Variants in WIPF1 observed in about 807,000 individuals in gnomAD.
The protein encoded by WIPF1 is WAS/WASL-interacting protein family member 1.
In WIPF1, 13 loss-of-function variants were observed where a neutral mutation model predicts 35.4. That is an observed-to-expected ratio of 0.37 (90% CI 0.24 to 0.58). The LOEUF (loss-of-function observed/expected upper bound fraction) is 0.58, where lower values mean the gene tolerates loss of function less well. Among genes scored for constraint, WIPF1 ranks in the 20% least tolerant of loss-of-function variants. The pLI is 0.74. For synonymous variants in WIPF1, 267 were observed against 266.3 expected (o/e 1.00, Z -0.02); for missense variants, 591 against 667.0 (o/e 0.89, Z 1.25).
At chr2:174,665,131 G>C (rs1236375893) in intron 1 of WIPF1, 1 of 152,156 alleles carries the variant, frequency 6.6e-6, no homozygotes, top group African/African-American at 2.4e-5. Context: ...GGCAGACCGA[G>C]GGTATAACGC....
rs1051018084 is a variant in WIPF1, at chr2:174,567,886, A to G, written c.1317T>C (p.Asn439=). Residue 439 remains asparagine (N), a synonymous_variant, in exon 6 of 8, where the codon AAT becomes AAC. Coordinates refer to ENST00000679041, the MANE Select transcript of WIPF1 (RefSeq NM_001375834.1). ...PPPPPSTSIR[N]GFQDSPCEDE... is the part of the protein sequence containing the mutation. ...CTTCACATGGAGAGTCTTGGAAGCC[A>G]TTTCTAATAGATGTTGATGGTGGAG... The G allele has an allele frequency of 1.9e-6, 3 of 1,605,288 alleles. No individual in the cohort carries two copies. Among genetic ancestry groups the G allele is most frequent in the Non-Finnish European group, 2.6e-6 (3 of 1,174,908 alleles).
intron 1 of WIPF1, among the ~76,000 whole-genome samples, chr2:174,671,626 A>G (rs1295670077): frequency 1.3e-5 from 2 of 152,130 alleles, no homozygotes; most frequent in East Asian, 3.8e-4. Flanking sequence ...CAGCCCTGAG[A>G]AAGAGAATGC....
intron 1 of WIPF1, among the ~76,000 whole-genome samples, chr2:174,628,564 C>T (rs1168849210): frequency 6.6e-6 from 1 of 152,196 alleles, no homozygotes; most frequent in Non-Finnish European, 1.5e-5. Context: ...CCAGGAATTA[C>T]GTAGAGCTCA....
intron 1 of WIPF1, among the ~76,000 whole-genome samples, chr2:174,596,019 A>C (rs747938601): frequency 6.6e-6 from 1 of 152,162 alleles, no homozygotes; most frequent in South Asian, 2.1e-4. Context: ...ATTCAGTATC[A>C]CTTCATCTCA....
chr2:174,624,673 G>A (rs1686775405), intron 1 of WIPF1, among the ~76,000 whole-genome samples: 1 of 152,150 alleles, frequency 6.6e-6, no homozygotes. Context: ...AGGGTCCAGG[G>A]GCACCCTGTG....
intron 1 of WIPF1, among the ~76,000 whole-genome samples, chr2:174,645,879 T>C (rs1384072231): frequency 6.6e-6 from 1 of 152,214 alleles, no homozygotes; most frequent in Non-Finnish European, 1.5e-5. Context: ...ACCAAAACAT[T>C]GAAAGAAAAT....
chr2:174,680,021 G>A (rs1196829583), intron 1 of WIPF1, among the ~76,000 whole-genome samples: 1 of 152,148 alleles, frequency 6.6e-6, no homozygotes, highest in African/African-American at 2.4e-5. Flanking sequence ...TTGTTAAGTG[G>A]ACAAACGAAT....
intron 1 of WIPF1, among the ~76,000 whole-genome samples, chr2:174,617,738 C>T (rs1231325326): frequency 6.6e-6 from 1 of 152,210 alleles, no homozygotes; most frequent in Non-Finnish European, 1.5e-5. Context: ...AAAGGTCTCA[C>T]CCAGCCATAG....
At chr2:174,611,312 G>A (rs1686336998) in intron 1 of WIPF1, among the ~76,000 whole-genome samples, 1 of 152,052 alleles carries the variant, frequency 6.6e-6, no homozygotes, top group Non-Finnish European at 1.5e-5. Flanking sequence ...AAATGGAAAG[G>A]GCTCCAAAGT....
chr2:174,652,308 GA>G (rs1177275007), intron 1 of WIPF1, among the ~76,000 whole-genome samples: 1 of 152,078 alleles, frequency 6.6e-6, no homozygotes, highest in Non-Finnish European at 1.5e-5. Flanking sequence ...CTAACATTTT[GA>G]ACTTGAAATT....
At chr2:174,668,123 C>T (rs1478284475) in intron 1 of WIPF1, among the ~76,000 whole-genome samples, 1 of 152,174 alleles carries the variant, frequency 6.6e-6, no homozygotes, top group African/African-American at 2.4e-5. Flanking sequence ...AACCTTGGTC[C>T]TGCCCAGTAA....
intron 1 of WIPF1, among the ~76,000 whole-genome samples, chr2:174,591,971 T>G (rs1685630942): frequency 6.6e-6 from 1 of 152,170 alleles, no homozygotes; most frequent in Non-Finnish European, 1.5e-5. Context: ...TTCTCCTCAA[T>G]GGCATGGCCA....
In WIPF1 at chr2:174,595,088, C is replaced by CAA. The variant is rs57521272; in HGVS notation, c.-39+2511_-39+2512dup. ...AAACATAGTGGGACCCTCATCTCTA[C>CAA]AAAAAAAAAAAAAAAAAAAAAATAT... On this transcript the variant is annotated intron_variant, in intron 1 of 7. Transcript: ENST00000679041. Among the ~76,000 whole-genome samples, 15 of 5,066 alleles carry CAA rather than the reference C, an allele frequency of 3.0e-3. 2 individuals are homozygous for CAA. The highest frequency in any genetic ancestry group is 3.6e-3 in the African/African-American group (7 of 1,928). The allele number at this position is 5,066 out of a possible 152,430, so 3.3% of individuals were successfully genotyped here.
Position 174,632,321 on chromosome 2 carries a change from G to C in WIPF1, c.-38-46710C>G, listed in dbSNP as rs568979992. Among the ~76,000 whole-genome samples, 10 of 152,284 alleles carry C rather than the reference G, an allele frequency of 6.6e-5. No individual in the cohort carries two copies. In the South Asian group the frequency reaches 2.1e-3, roughly 32 times the overall value. On this transcript the variant is annotated intron_variant, in intron 1 of 8. Coordinates refer to the WIPF1 transcript ENST00000272746. ...CAAACACAATGGAACACAGCGCAGTGAAAGTGGAAAGATGGGGAAGGGGCT... is the reference window on the plus strand; with the variant it reads ...CAAACACAATGGAACACAGCGCAGTCAAAGTGGAAAGATGGGGAAGGGGCT...
At chr2:174,672,326 A>G (rs953091914) in intron 1 of WIPF1, among the ~76,000 whole-genome samples, 3 of 152,242 alleles carry the variant, frequency 2.0e-5, no homozygotes, top group East Asian at 3.8e-4. Flanking sequence ...AAATCTGCCC[A>G]GTGTACCTGG....
At chr2:174,644,281 A>G (rs558850897) in intron 1 of WIPF1, among the ~76,000 whole-genome samples, 1 of 152,142 alleles carries the variant, frequency 6.6e-6, no homozygotes, top group Non-Finnish European at 1.5e-5. Context: ...ACATAGTAGG[A>G]CTCTATTAAT....
intron 1 of WIPF1, among the ~76,000 whole-genome samples, chr2:174,619,778 C>T (rs1686619583): frequency 6.6e-6 from 1 of 151,928 alleles, no homozygotes; most frequent in African/African-American, 2.4e-5. Context: ...CCTGTCTCTA[C>T]AATAAATTAA....
At chr2:174,653,633 T>C (rs1036842197) in intron 1 of WIPF1, among the ~76,000 whole-genome samples, 4 of 151,202 alleles carry the variant, frequency 2.6e-5, no homozygotes, top group African/African-American at 9.8e-5. Flanking sequence ...TCCCAGCTAT[T>C]TGGGAGGCTG....
Position 174,571,858 on chromosome 2 carries a change from G to A in WIPF1, c.947C>T (p.Pro316Leu). The change falls in exon 5 of 8, where the codon CCC becomes CTC. Residue 316 changes from proline to leucine, a missense_variant. Transcript: ENST00000679041. The surrounding 1 kb of genome is among the most constrained non-coding windows in gnomAD (Gnocchi z 4.6). ...APPPPPPPSRPGPPPLPPSSS... is the reference protein window; with the variant it reads ...APPPPPPPSRLGPPPLPPSSS... ...ACTTGGAGGCAGAGGAGGCGGCCCGGGCCTGCTGGGAGGTGGCGGCGGAGG... is the reference window on the plus strand; with the variant it reads ...ACTTGGAGGCAGAGGAGGCGGCCCGAGCCTGCTGGGAGGTGGCGGCGGAGG... The A allele has an allele frequency of 6.2e-7, 1 of 1,614,038 alleles. No homozygotes were observed. Among genetic ancestry groups the A allele is most frequent in the African/African-American group, 1.3e-5 (1 of 75,072 alleles).
Sources: allele counts gnomAD v4.1 joint callset (sites outside exome capture counted in the v4.1 genomes callset), GRCh38; gene constraint gnomAD v4.1.1; non-coding constraint Gnocchi (gnomAD v3.1); transcripts MANE v1.5; gene names NCBI Gene and HGNC (gene_info 2026-07-23, HGNC 2026-07-21).